LRMDA: variants seen among roughly 807,000 people sequenced by gnomAD.
LRMDA encodes the protein leucine-rich melanocyte differentiation-associated protein.
In LRMDA, 18 loss-of-function variants were observed where a neutral mutation model predicts 29.8. The observed-to-expected ratio is 0.60, with a 90% CI of 0.42 to 0.90. The LOEUF (loss-of-function observed/expected upper bound fraction) is 0.90. Ranked by LOEUF, LRMDA falls within the 40% of genes least tolerant of loss-of-function variation. The probability of loss-of-function intolerance (pLI) is 0.00; values close to 1 mark genes in which losing one functional copy is unlikely to be tolerated. For missense variants in LRMDA, 273 were observed against 273.9 expected (o/e 1.00, Z 0.02); for synonymous variants, 125 against 109.4 (o/e 1.14, Z -0.89).
At chr10:75,760,578 T>TCAC (rs1589190881) in intron 2 of LRMDA, among the ~76,000 whole-genome samples, 1 of 152,146 alleles carries the variant, frequency 6.6e-6, no homozygotes, top group African/African-American at 2.4e-5. Context: ...GGGCCTTCCA[T>TCAC]CACCACCACC....
intron 2 of LRMDA, among the ~76,000 whole-genome samples, chr10:75,674,995 A>C (rs1004048140): frequency 1.3e-5 from 2 of 152,188 alleles, no homozygotes; most frequent in African/African-American, 4.8e-5. Flanking sequence ...CAGCCTTTTC[A>C]TTTCCACGTA....
intron 5 of LRMDA, among the ~76,000 whole-genome samples, chr10:76,323,009 T>C (rs935126010): frequency 1.3e-5 from 2 of 152,260 alleles, no homozygotes; most frequent in African/African-American, 4.8e-5. Flanking sequence ...TCTTGCAGTG[T>C]GCTAAAAAGT....
At position 75,531,372 on chromosome 10, in the gene LRMDA, G is replaced by C. The variant is rs867490175; in HGVS notation, c.131+92878G>C. The stretch of plus-strand genomic sequence containing the variant: ...CAGCTGGACAGCAGGAGCAGTGGGA[G>C]CTGCACTAAAGTTTCCCTTCCTTCA... On this transcript the variant is annotated intron_variant, in intron 2 of 6. Transcript: ENST00000611255. Among the ~76,000 whole-genome samples the C allele has an allele frequency of 2.0e-5, 3 of 152,222 alleles. No homozygotes were observed. In the East Asian group the frequency reaches 5.8e-4, roughly 29 times the overall value.
intron 6 of LRMDA, among the ~76,000 whole-genome samples, chr10:76,411,844 A>G (rs1214098773): frequency 6.6e-6 from 1 of 152,226 alleles, no homozygotes; most frequent in East Asian, 1.9e-4. Flanking sequence ...GAGACATAAC[A>G]AATATAACCA....
chr10:75,938,680 C>CT (rs1267528493), intron 2 of LRMDA, among the ~76,000 whole-genome samples: 4 of 152,134 alleles, frequency 2.6e-5, no homozygotes, highest in Non-Finnish European at 5.9e-5. Flanking sequence ...TAATGAAAGA[C>CT]TGAGAATTTA....
chr10:75,645,358 GC>G (rs1014842565), intron 2 of LRMDA, among the ~76,000 whole-genome samples: 1 of 152,314 alleles, frequency 6.6e-6, no homozygotes, highest in African/African-American at 2.4e-5. Context: ...GGAAATGGAA[GC>G]TCAGAGAGGT....
At chr10:75,873,112 T>C (rs1845140729) in intron 2 of LRMDA, among the ~76,000 whole-genome samples, 1 of 152,086 alleles carries the variant, frequency 6.6e-6, no homozygotes, top group South Asian at 2.1e-4. Context: ...ATGGAAGAAA[T>C]ATCAAGCAGA....
chr10:76,223,263 T>TAAC (rs1037010288), intron 5 of LRMDA, among the ~76,000 whole-genome samples: 20 of 151,764 alleles, frequency 1.3e-4, no homozygotes, highest in Middle Eastern at 3.4e-3. Flanking sequence ...ACTTAAAGTA[T>TAAC]AATAATAATA....
chr10:75,612,829 C>A (rs1841049437), intron 2 of LRMDA, among the ~76,000 whole-genome samples: 1 of 150,086 alleles, frequency 6.7e-6, no homozygotes. Flanking sequence ...AAAAAAAAAA[C>A]CTGGGTAAAA....
intron 5 of LRMDA, among the ~76,000 whole-genome samples, chr10:76,254,604 G>T (rs113134324): frequency 0.014 from 2,147 of 152,116 alleles, 46 homozygotes; most frequent in African/African-American, 0.048. Context: ...GTTGGCATTT[G>T]TTCTGCTATA....
intron 2 of LRMDA, among the ~76,000 whole-genome samples, chr10:75,579,982 G>T (rs955401663): frequency 1.3e-5 from 2 of 152,112 alleles, no homozygotes; most frequent in Admixed American, 6.6e-5. Context: ...ATGGGCAAAA[G>T]CCGCAAGCAT....
At chr10:76,128,324 C>A (rs780351152) in intron 5 of LRMDA, among the ~76,000 whole-genome samples, 2 of 152,120 alleles carry the variant, frequency 1.3e-5, no homozygotes, top group Admixed American at 6.5e-5. Flanking sequence ...GCCATGGGGG[C>A]AGCACAGATG....
intron 2 of LRMDA, among the ~76,000 whole-genome samples, chr10:75,616,976 A>G (rs548276949): frequency 2.1e-4 from 32 of 152,322 alleles, no homozygotes; most frequent in Middle Eastern, 6.8e-3. Flanking sequence ...TCATAAAGAC[A>G]AAACCTTAAA....
intron 2 of LRMDA, among the ~76,000 whole-genome samples, chr10:75,901,140 A>G (rs1053741132): frequency 1.3e-4 from 20 of 152,246 alleles, no homozygotes; most frequent in African/African-American, 4.8e-4. Flanking sequence ...AGGAAGAGAG[A>G]TTGTTTCTAT....
chr10:75,448,026 A>G (rs1844414227), intron 2 of LRMDA, among the ~76,000 whole-genome samples: 2 of 152,316 alleles, frequency 1.3e-5, no homozygotes, highest in African/African-American at 4.8e-5. Context: ...TTCTACCCAG[A>G]GAAAATGATA....
chr10:75,692,519 A>G (rs1842181284), intron 2 of LRMDA, among the ~76,000 whole-genome samples: 1 of 151,160 alleles, frequency 6.6e-6, no homozygotes, highest in Admixed American at 6.6e-5. Flanking sequence ...ATGTGTGTAT[A>G]CACATATGCG....
intron 2 of LRMDA, among the ~76,000 whole-genome samples, chr10:75,543,971 C>T (rs1396240902): frequency 6.6e-6 from 1 of 152,150 alleles, no homozygotes; most frequent in African/African-American, 2.4e-5. Context: ...TGCTTTCTGG[C>T]ATGTTTAAAG....
At chr10:75,858,567 G>A (rs1844867175) in intron 2 of LRMDA, among the ~76,000 whole-genome samples, 1 of 152,106 alleles carries the variant, frequency 6.6e-6, no homozygotes, top group Admixed American at 6.6e-5. Context: ...GGAGAGGCTG[G>A]GATTAGAGCT....
intron 2 of LRMDA, among the ~76,000 whole-genome samples, chr10:75,599,414 G>A (rs941243387): frequency 1.3e-5 from 2 of 152,176 alleles, no homozygotes; most frequent in African/African-American, 2.4e-5. Context: ...ACCGTCATTC[G>A]GATCAAACAG....
Sources: allele counts gnomAD v4.1 joint callset (sites outside exome capture counted in the v4.1 genomes callset), GRCh38; gene constraint gnomAD v4.1.1; transcripts MANE v1.5; gene names NCBI Gene and HGNC (gene_info 2026-07-23, HGNC 2026-07-21).